The following ECSIT variants were observed in gnomAD, a reference collection of about 807,000 sequenced individuals.
The protein encoded by ECSIT is ECSIT signaling integrator, also known as evolutionarily conserved signaling intermediate in Toll pathway, mitochondrial.
Under a neutral mutation model 36.8 loss-of-function variants are expected in ECSIT, and 29 were observed. That is an observed-to-expected ratio of 0.79 (90% CI 0.59 to 1.08). ECSIT has a LOEUF of 1.08. ECSIT is among the 50% of genes least tolerant of loss of function. The pLI is 0.00. For missense variants in ECSIT, 542 were observed against 581.0 expected, an observed-to-expected ratio of 0.93 and a Z score of 0.69; for synonymous variants, 231 against 234.8, an observed-to-expected ratio of 0.98 and a Z score of 0.15.
intron 1 of ECSIT, chr19:11,522,541 A>C: frequency 1.4e-6 from 1 of 738,532 alleles, no homozygotes; most frequent in Non-Finnish European, 2.3e-6. Context: ...AAACTCAGGA[A>C]CGCCCCGGTA....
chr19:11,512,587 G>C (rs1178317383), intron 4 of ECSIT, among the ~76,000 whole-genome samples: 1 of 152,126 alleles, frequency 6.6e-6, no homozygotes, highest in African/African-American at 2.4e-5. Context: ...CACTCAAGCT[G>C]TGCTAGCAGT....
intron 7 of ECSIT, 101 bp from the exon 8 acceptor site, chr19:11,506,529 C>CTT (rs71166605): frequency 0.023 from 15,649 of 669,596 alleles, 345 homozygotes; most frequent in African/African-American, 0.1. Flanking sequence ...CTTCCACTTC[C>CTT]TTTTTTTTTT....
intron 1 of ECSIT, chr19:11,525,777 G>A (rs974005344): frequency 6.6e-6 from 1 of 150,996 alleles, no homozygotes; most frequent in Non-Finnish European, 1.5e-5. Context: ...AATTAGCCGG[G>A]TGTGGTGTAT....
chr19:11,525,039 A>G (rs1287505951), intron 1 of ECSIT, among the ~76,000 whole-genome samples: 1 of 152,138 alleles, frequency 6.6e-6, no homozygotes, highest in African/African-American at 2.4e-5. Flanking sequence ...AGGGAGGCTG[A>G]GGCAGGAGAA....
rs967234357 is a variant in ECSIT at position 11,505,962 on chromosome 19, A to G, written c.*222T>C. The G allele has an allele frequency of 4.3e-6, 4 of 938,872 alleles. No homozygotes were observed. Among genetic ancestry groups the G allele is most frequent in the Admixed American group, 6.2e-5 (2 of 32,068 alleles). 58.2% of individuals were successfully genotyped at this position (938,872 alleles called of 1,614,324 possible). On this transcript the variant is annotated 3_prime_UTR_variant, in exon 8 of 8. Transcript: ENST00000270517. ...ACCAACAGCGCTCCCGCCCCTTTTT[A>G]TTTGAATTCGGAGAACCAGAGGCGC...
Position 11,519,308 on chromosome 19 carries a change from A to C in ECSIT, c.-23-115T>G. On this transcript the variant is annotated intron_variant, in intron 1 of 7. Coordinates refer to ENST00000270517, the MANE Select transcript of ECSIT (RefSeq NM_016581.5). This position sits in a 1 kb window ranked among gnomAD's most constrained non-coding sequence, Gnocchi z 4.4. ...TTATGTGGCTCACTCACCAGCCCCA[A>C]TGTTTACCTTACCCAAGAAACAGGC... is the stretch of plus-strand genomic sequence containing the variant. 1.4e-6 allele frequency: 1 copy of C among 728,160 alleles called. No homozygotes were observed. The highest frequency in any genetic ancestry group is 2.4e-6 in the Non-Finnish European group (1 of 413,158). 45.1% of individuals were successfully genotyped at this position (728,160 alleles called of 1,614,324 possible).
At chr19:11,506,663 G>A (rs1971750010) in intron 7 of ECSIT, among the ~76,000 whole-genome samples, 1 of 151,792 alleles carries the variant, frequency 6.6e-6, no homozygotes, top group South Asian at 2.1e-4. Context: ...GCCTCCCGAG[G>A]AGCTGGGATT....
chr19:11,520,022 T>G (rs184146637), intron 1 of ECSIT: 21 of 150,590 alleles, frequency 1.4e-4, no homozygotes, highest in African/African-American at 5.1e-4. Flanking sequence ...CTGTACCCAT[T>G]AGCACTCAAT....
intron 2 of ECSIT, among the ~76,000 whole-genome samples, chr19:11,518,571 A>G (rs1972042841): frequency 6.6e-6 from 1 of 151,910 alleles, no homozygotes; most frequent in South Asian, 2.1e-4. Flanking sequence ...CCTGGGTGAT[A>G]GAGCAAGACC....
intron 1 of ECSIT, among the ~76,000 whole-genome samples, chr19:11,528,269 G>A (rs1013399443): frequency 1.3e-4 from 20 of 151,908 alleles, no homozygotes; most frequent in African/African-American, 4.6e-4. Flanking sequence ...TTTTTGTTTC[G>A]GAGACAGGGT....
At chr19:11,517,935 T>C (rs1201847717) in intron 2 of ECSIT, among the ~76,000 whole-genome samples, 1 of 150,714 alleles carries the variant, frequency 6.6e-6, no homozygotes, top group African/African-American at 2.4e-5. Context: ...ACCACACAAA[T>C]CCACCGAGCT....
At chr19:11,508,667 G>A (rs61174201) in intron 4 of ECSIT, among the ~76,000 whole-genome samples, 11 of 151,850 alleles carry the variant, frequency 7.2e-5, no homozygotes, top group African/African-American at 1.9e-4. Context: ...ATTCTCCTGC[G>A]TCGGCCTCCC....
At chr19:11,510,280 A>C (rs946024838) in intron 4 of ECSIT, among the ~76,000 whole-genome samples, 3 of 151,830 alleles carry the variant, frequency 2.0e-5, no homozygotes, top group Non-Finnish European at 4.4e-5. Flanking sequence ...AGTTCAAGCC[A>C]CCCTCCTGCC....
intron 1 of ECSIT, chr19:11,523,649 AC>A: frequency 1.3e-6 from 1 of 792,168 alleles, no homozygotes; most frequent in Non-Finnish European, 2.2e-6. Context: ...TGTGCTGAGC[AC>A]CAAATCAACT....
intron 6 of ECSIT, 36 bp from the exon 7 acceptor site, chr19:11,507,598 G>A (rs560570155): frequency 1.2e-6 from 2 of 1,612,674 alleles, no homozygotes; most frequent in Admixed American, 1.7e-5. Flanking sequence ...GGGGTCAGAG[G>A]CCAGGGCTCT....
rs753169524 is a variant in ECSIT, at chr19:11,514,098, C to T, written c.220G>A (p.Asp74Asn). The T allele has an allele frequency of 9.9e-6, 16 of 1,614,044 alleles. No homozygotes were observed. The South Asian group carries it at 1.8e-4, about 18-fold the overall frequency. The part of the protein sequence containing the change: ...RPTKALVPFE[D>N]LFGQAPGGER... ...CCACCAGGCGCCTGCCCAAACAGGT[C>T]CTCAAAGGGCACCAGAGCCTTGGTG... The change falls in exon 3 of 8, where the codon GAC becomes AAC. Residue 74 changes from aspartate (D) to asparagine (N), a missense_variant. By Grantham distance (23) the Asp-to-Asn change is conservative. Transcript: ENST00000270517.
intron 2 of ECSIT, among the ~76,000 whole-genome samples, chr19:11,516,745 C>T (rs1419576537): frequency 6.6e-6 from 1 of 151,866 alleles, no homozygotes; most frequent in Non-Finnish European, 1.5e-5. Flanking sequence ...AGTCCAGGCT[C>T]GGTGGCTCAC....
chr19:11,524,736 G>A (rs776179690), intron 1 of ECSIT, among the ~76,000 whole-genome samples: 6 of 151,988 alleles, frequency 3.9e-5, no homozygotes, highest in Non-Finnish European at 5.9e-5. Context: ...GAGGTGGGAC[G>A]ATCACTTGAG....
intron 1 of ECSIT, among the ~76,000 whole-genome samples, chr19:11,520,857 T>C (rs541585766): frequency 6.7e-6 from 1 of 150,308 alleles, no homozygotes; most frequent in Admixed American, 6.6e-5. Context: ...CCAGGCTGGA[T>C]TGCAATGGCA....
Sources: gnomAD v4.1 joint callset for allele counts (sites outside exome capture counted in the v4.1 genomes callset) on GRCh38, gnomAD v4.1.1 for gene constraint, Gnocchi (gnomAD v3.1) non-coding constraint, MANE v1.5 for transcripts, NCBI Gene and HGNC (gene_info 2026-07-23, HGNC 2026-07-21) for gene names.